Variants in FLACC1 observed in about 807,000 individuals in gnomAD.
FLACC1 encodes flagellum-associated coiled-coil domain-containing protein 1.
In FLACC1, 66 loss-of-function variants were observed where a neutral mutation model predicts 62.8. The observed-to-expected ratio is 1.05, with a 90% CI of 0.86 to 1.29. The LOEUF is 1.29. FLACC1 is among the 50% of genes most tolerant of loss of function. FLACC1 has a pLI of 0.00. For synonymous variants in FLACC1, 156 were observed against 161.0 expected (o/e 0.97, Z 0.24); for missense variants, 452 against 489.1 (o/e 0.92, Z 0.71).
intron 12 of FLACC1, among the ~76,000 whole-genome samples, chr2:201,298,629 G>A (rs1363613830): frequency 2.0e-5 from 3 of 152,220 alleles, no homozygotes; most frequent in Non-Finnish European, 1.5e-5. Flanking sequence ...CTGAAGCCCT[G>A]CCTGGGCTCT....
upstream of FLACC1, among the ~76,000 whole-genome samples, chr2:201,357,618 T>C (rs568583139): frequency 6.6e-6 from 1 of 152,232 alleles, no homozygotes; most frequent in Non-Finnish European, 1.5e-5. Context: ...ACAGCACTTT[T>C]AGGCTTCATT....
chr2:201,305,905 TG>T (rs1465551521), intron 11 of FLACC1, among the ~76,000 whole-genome samples: 1 of 138,918 alleles, frequency 7.2e-6, no homozygotes, highest in Non-Finnish European at 1.5e-5. Context: ...GGACACAGGT[TG>T]GGGAACACCA....
At chr2:201,299,214 A>T in intron 12 of FLACC1, 24 bp downstream of exon 12, 1 of 1,605,890 alleles carries the variant, frequency 6.2e-7, no homozygotes, top group South Asian at 1.1e-5. Flanking sequence ...TACCAAGTCC[A>T]CAGGAAAGGA....
Position 201,288,742 on chromosome 2 carries a change from T to C in FLACC1, c.1182A>G (p.Gly394=), listed in dbSNP as rs1949649418. The change falls in exon 15 of 15, where the codon GGA becomes GGG. Residue 394 remains glycine, a synonymous_variant. Transcript: ENST00000392257. ...TAATAGAGGCCAATCTCCCAGAACA[T>C]CCTTCACAAATTTCTTCATTCTTAG... ...IISKNEEICE[G]CSGRLASITV... 6.2e-7 allele frequency: 1 copy of C among 1,613,858 alleles called. No individual in the cohort carries two copies. The highest frequency in any genetic ancestry group is 1.3e-5 in the African/African-American group (1 of 74,908).
At chr2:201,327,743 G>C (rs890156489) in intron 9 of FLACC1, among the ~76,000 whole-genome samples, 1 of 152,050 alleles carries the variant, frequency 6.6e-6, no homozygotes, top group Non-Finnish European at 1.5e-5. Flanking sequence ...TTTTGGAAAA[G>C]AGTATGGAGA....
chr2:201,299,683 TATGTAAAA>T (rs1156527128), intron 11 of FLACC1, among the ~76,000 whole-genome samples: 21 of 152,204 alleles, frequency 1.4e-4, no homozygotes, highest in African/African-American at 4.1e-4. Flanking sequence ...TTCTAACATT[TATGTAAAA>T]ATACAAAGCA....
At chr2:201,357,714 CA>C (rs1458193019), upstream of FLACC1, among the ~76,000 whole-genome samples, 3 of 152,186 alleles carry the variant, frequency 2.0e-5, no homozygotes, top group Non-Finnish European at 4.4e-5. Flanking sequence ...AAACTCTAGA[CA>C]CTTTTTTCCC....
At chr2:201,350,259 C>G (rs916017072) in intron 3 of FLACC1, among the ~76,000 whole-genome samples, 24 of 152,036 alleles carry the variant, frequency 1.6e-4, no homozygotes, top group African/African-American at 5.6e-4. Context: ...GTAATGGGTG[C>G]CTGTAATCCC....
chr2:201,346,022 G>A lies in FLACC1; in HGVS notation c.368+520C>T, dbSNP rs1182407808. The stretch of plus-strand genomic sequence containing the variant: ...TCTACTAAAGCTATAAATATTAGCC[G>A]GGCGTCATGGTGCAAGCCTGTAATC... On this transcript the variant is annotated intron_variant, in intron 5 of 14. Transcript: ENST00000392257. The surrounding 1 kb of genome is among the most constrained non-coding windows in gnomAD (Gnocchi z 4.0). 3.9e-5 allele frequency among the ~76,000 whole-genome samples: 6 copies of A among 152,070 alleles called. No homozygotes were observed. The highest frequency in any genetic ancestry group is 1.9e-4 in the East Asian group (1 of 5,190).
chr2:201,291,022 G>A (rs1949722286), intron 12 of FLACC1, among the ~76,000 whole-genome samples: 1 of 152,226 alleles, frequency 6.6e-6, no homozygotes, highest in Non-Finnish European at 1.5e-5. Flanking sequence ...GGTAAACAAA[G>A]TGGCCAGGAA....
intron 7 of FLACC1, among the ~76,000 whole-genome samples, chr2:201,339,066 C>CTTTTTTTTTTTTTTTTTTTTTTTTTTT (rs1559414089): frequency 2.0e-5 from 3 of 151,980 alleles, no homozygotes; most frequent in African/African-American, 7.2e-5. Context: ...TGTTGGGAGA[C>CTTTTTTTTTTTTTTTTTTTTTTTTTTT]TTTTTATTAC....
At position 201,307,588 on chromosome 2, in the gene FLACC1, T is replaced by C. The variant is rs750968302; in HGVS notation, c.810A>G (p.Ser270=). 14 of 1,614,078 alleles carry C rather than the reference T, an allele frequency of 8.7e-6. No homozygotes were observed. Among genetic ancestry groups the C allele is most frequent in the Non-Finnish European group, 4.2e-6 (5 of 1,180,006 alleles). The change falls in exon 11 of 15, where the codon TCA becomes TCG. Residue 270 remains serine, a synonymous_variant. Transcript: ENST00000392257. ...KKMTKKFEME[S]GEEDKKINES... ...CATTTATTTTCTTATCTTCTTCTCCTGACTCCATTTCGAATTTTTTGGTCA... is the reference window on the plus strand; with the variant it reads ...CATTTATTTTCTTATCTTCTTCTCCCGACTCCATTTCGAATTTTTTGGTCA...
chr2:201,341,415 C>CAT (rs906069779), intron 7 of FLACC1, among the ~76,000 whole-genome samples: 12 of 147,340 alleles, frequency 8.1e-5, no homozygotes, highest in Middle Eastern at 3.6e-3. Flanking sequence ...ATATATAAAT[C>CAT]ATATATATAT....
chr2:201,327,709 G>C (rs762731113), intron 9 of FLACC1, among the ~76,000 whole-genome samples: 3 of 152,150 alleles, frequency 2.0e-5, no homozygotes, highest in Non-Finnish European at 2.9e-5. Flanking sequence ...TATACTGCTG[G>C]TGGGAATGTA....
intron 9 of FLACC1, among the ~76,000 whole-genome samples, chr2:201,312,226 T>C (rs996466687): frequency 2.0e-5 from 3 of 152,204 alleles, no homozygotes; most frequent in African/African-American, 7.2e-5. Flanking sequence ...ACAAGTTCAG[T>C]AAAGTTTCAG....
chr2:201,296,041 G>A (rs1190238925), intron 12 of FLACC1, among the ~76,000 whole-genome samples: 1 of 151,972 alleles, frequency 6.6e-6, no homozygotes, highest in Non-Finnish European at 1.5e-5. Context: ...TGGAGAAACA[G>A]GAACACTTTT....
chr2:201,299,103 T>G lies in FLACC1; in HGVS notation c.942+135A>C, dbSNP rs1949924605. The stretch of plus-strand genomic sequence containing the variant: ...ATTCTTTTTAACTTATTGAATCCAG[T>G]AAACTCAGCTTTAGGTCTTCCATTT... On this transcript the variant is annotated intron_variant, in intron 12 of 14. Coordinates refer to ENST00000392257, the MANE Select transcript of FLACC1 (RefSeq NM_001127391.3). The G allele has an allele frequency of 6.1e-6, 5 of 813,740 alleles. No homozygotes were observed. In the East Asian group the frequency reaches 1.3e-4, roughly 21 times the overall value. The allele number at this position is 813,740 out of a possible 1,614,324, so 50.4% of individuals were successfully genotyped here.
chr2:201,353,970 G>A (rs534720660), intron 1 of FLACC1, among the ~76,000 whole-genome samples: 1 of 152,288 alleles, frequency 6.6e-6, no homozygotes, highest in Admixed American at 6.5e-5. Context: ...CCTAACAGAA[G>A]CATTAAAGTG....
At chr2:201,299,655 T>C (rs1410375290) in intron 11 of FLACC1, among the ~76,000 whole-genome samples, 1 of 152,214 alleles carries the variant, frequency 6.6e-6, no homozygotes, top group African/African-American at 2.4e-5. Flanking sequence ...ATAAGCTAAT[T>C]CTAAATTGAC....
Sources: allele counts gnomAD v4.1 joint callset (sites outside exome capture counted in the v4.1 genomes callset), GRCh38; gene constraint gnomAD v4.1.1; non-coding constraint Gnocchi (gnomAD v3.1); transcripts MANE v1.5; gene names NCBI Gene and HGNC (gene_info 2026-07-23, HGNC 2026-07-21).